KDM2A: variants seen among roughly 807,000 people sequenced by gnomAD.
KDM2A encodes lysine demethylase 2A, also known as lysine-specific demethylase 2A.
Under a neutral mutation model 137.3 loss-of-function variants are expected in KDM2A, and 3 were observed. The ratio of observed to expected loss-of-function variants is 0.02; its 90% CI spans 0.01 to 0.06. The LOEUF (loss-of-function observed/expected upper bound fraction) is 0.06, where lower values mean the gene tolerates loss of function less well. KDM2A is among the 10% of genes least tolerant of loss of function. The pLI, the probability that KDM2A is intolerant of heterozygous loss-of-function variation, is 1.00. For synonymous variants in KDM2A, 512 were observed against 541.5 expected, an observed-to-expected ratio of 0.95 and a Z score of 0.76; for missense variants, 738 against 1,510.6, an observed-to-expected ratio of 0.49 and a Z score of 8.48.
At chr11:67,185,738 C>T (rs562212415) in intron 5 of KDM2A, among the ~76,000 whole-genome samples, 1 of 151,690 alleles carries the variant, frequency 6.6e-6, no homozygotes, top group Non-Finnish European at 1.5e-5. Context: ...AATTAGGCTA[C>T]AGGGACTCCA....
chr11:67,148,951 A>G (rs1345357290), intron 2 of KDM2A: 3 of 152,186 alleles, frequency 2.0e-5, no homozygotes, highest in Admixed American at 2.0e-4. Flanking sequence ...ATCTACTTAA[A>G]TCTTGTAAAC....
chr11:67,149,183 C>T (rs1856324440), intron 2 of KDM2A: 2 of 152,054 alleles, frequency 1.3e-5, no homozygotes, highest in Non-Finnish European at 2.9e-5. Flanking sequence ...TTGACTGTTC[C>T]CTTAGTGTAG....
At chr11:67,223,944 C>G (rs1004391881) in intron 10 of KDM2A, among the ~76,000 whole-genome samples, 17 of 152,150 alleles carry the variant, frequency 1.1e-4, no homozygotes. Flanking sequence ...ATTTTACTTC[C>G]GTGTAAGAGA....
intron 2 of KDM2A, among the ~76,000 whole-genome samples, chr11:67,169,384 T>C (rs561979807): frequency 2.5e-4 from 38 of 150,630 alleles, no homozygotes; most frequent in Admixed American, 6.6e-4. Context: ...CTTTTTCTTT[T>C]TTTTTTTTTT....
intron 2 of KDM2A, among the ~76,000 whole-genome samples, chr11:67,176,895 G>A (rs533999001): frequency 6.6e-6 from 1 of 152,206 alleles, no homozygotes; most frequent in East Asian, 1.9e-4. Flanking sequence ...GTAAATGCGA[G>A]GGCCTAAGAC....
chr11:67,121,206 C>T, intron 1 of KDM2A, 28 bp from the exon 2 acceptor site: 1 of 774,072 alleles, frequency 1.3e-6, no homozygotes, highest in Non-Finnish European at 2.2e-6. Context: ...AATGAGTTCT[C>T]ATTTCTGCTT....
chr11:67,252,096 C>G (rs1859446882), intron 17 of KDM2A, among the ~76,000 whole-genome samples: 1 of 152,144 alleles, frequency 6.6e-6, no homozygotes, highest in Admixed American at 6.5e-5. Flanking sequence ...CTGGTCTGGC[C>G]TGGCTAGAAA....
At chr11:67,180,255 T>G (rs1857060777) in intron 3 of KDM2A, 38 bp downstream of exon 3, 1 of 1,602,290 alleles carries the variant, frequency 6.2e-7, no homozygotes, top group Non-Finnish European at 8.5e-7. Flanking sequence ...AGTCCTTTGA[T>G]GTGGGAAGCC....
intron 11 of KDM2A, among the ~76,000 whole-genome samples, chr11:67,228,686 G>GGAAAAA (rs1160040797): frequency 9.5e-6 from 1 of 105,014 alleles, no homozygotes; most frequent in African/African-American, 3.1e-5. Flanking sequence ...ACCCTGTTGC[G>GGAAAAA]AAAAAAAAAA....
At chr11:67,143,463 G>A (rs1856169533) in intron 2 of KDM2A, 1 of 152,016 alleles carries the variant, frequency 6.6e-6, no homozygotes, top group Non-Finnish European at 1.5e-5. Flanking sequence ...ATGGTGTAGT[G>A]AATAAGCATG....
intron 2 of KDM2A, among the ~76,000 whole-genome samples, chr11:67,132,457 G>C (rs1253274813): frequency 6.6e-6 from 1 of 152,004 alleles, no homozygotes; most frequent in Non-Finnish European, 1.5e-5. Context: ...CTAATTTTTT[G>C]TATTTTTAGT....
At chr11:67,215,630 A>G (rs1008913953) in intron 7 of KDM2A, 184 bp downstream of exon 7, 2 of 617,542 alleles carry the variant, frequency 3.2e-6, no homozygotes, top group African/African-American at 3.7e-5. Context: ...GCACACAACC[A>G]CACAGTTAAA....
At chr11:67,202,830 G>A (rs1329018820) in intron 5 of KDM2A, among the ~76,000 whole-genome samples, 4 of 149,952 alleles carry the variant, frequency 2.7e-5, no homozygotes, top group African/African-American at 9.8e-5. Flanking sequence ...ATCTTGTATC[G>A]GCAAAAATTA....
At chr11:67,142,519 C>T (rs1407438860) in intron 2 of KDM2A, among the ~76,000 whole-genome samples, 1 of 126,890 alleles carries the variant, frequency 7.9e-6, no homozygotes, top group Non-Finnish European at 1.6e-5. Flanking sequence ...GGTGTGGTGG[C>T]AGGTGCCTGT....
chr11:67,152,150 A>G (rs1856405936), intron 2 of KDM2A, among the ~76,000 whole-genome samples: 2 of 152,038 alleles, frequency 1.3e-5, no homozygotes, highest in Admixed American at 6.6e-5. Flanking sequence ...CCCTGTGTCT[A>G]TTAAAAATAC....
chr11:67,138,335 C>A (rs1856016059), intron 2 of KDM2A, among the ~76,000 whole-genome samples: 1 of 152,166 alleles, frequency 6.6e-6, no homozygotes, highest in South Asian at 2.1e-4. Context: ...TGAATTTCAA[C>A]AATGAAAAGA....
chr11:67,180,658 A>G (rs1235632712), intron 3 of KDM2A, among the ~76,000 whole-genome samples: 2 of 151,424 alleles, frequency 1.3e-5, no homozygotes, highest in Admixed American at 1.3e-4. Context: ...TGTTTTGTTT[A>G]CTTTTTTTTT....
At chr11:67,162,987 G>A (rs2136318268) in intron 2 of KDM2A, among the ~76,000 whole-genome samples, 1 of 152,304 alleles carries the variant, frequency 6.6e-6, no homozygotes, top group Non-Finnish European at 1.5e-5. Flanking sequence ...TGGGATTATA[G>A]GCTTGAGCCA....
At position 67,180,075 on chromosome 11, in the gene KDM2A, C is replaced by G. The variant is rs1474313385; in HGVS notation, c.43-4C>G. ...TTTCATCAGTATGTTCCTTTCTTTC[C>G]TAGCGTGGTACCATGCGACGACGCT... is the stretch of plus-strand genomic sequence containing the variant. On this transcript the variant is annotated splice_polypyrimidine_tract_variant and splice_region_variant and intron_variant, in intron 2 of 20. Coordinates refer to ENST00000529006, the MANE Select transcript of KDM2A (RefSeq NM_012308.3). 1 of 1,609,882 alleles carries G rather than the reference C, an allele frequency of 6.2e-7. No individual in the cohort carries two copies.
Sources: gnomAD v4.1 joint callset for allele counts (sites outside exome capture counted in the v4.1 genomes callset) on GRCh38, gnomAD v4.1.1 for gene constraint, MANE v1.5 for transcripts, NCBI Gene and HGNC (gene_info 2026-07-23, HGNC 2026-07-21) for gene names.